Variants in POLR3B observed in about 807,000 individuals in gnomAD.
POLR3B encodes the protein DNA-directed RNA polymerase III subunit RPC2.
A neutral mutation model predicts 147.4 loss-of-function variants in POLR3B; 96 were observed. That is an observed-to-expected ratio of 0.65 (90% CI 0.55 to 0.77). The LOEUF (loss-of-function observed/expected upper bound fraction) is 0.77, where lower values mean the gene tolerates loss of function less well. POLR3B is among the 30% of genes least tolerant of loss of function. POLR3B has a pLI of 0.00. For missense variants in POLR3B, 1,036 were observed against 1,413.5 expected (o/e 0.73, Z 4.28); for synonymous variants, 461 against 485.9 (o/e 0.95, Z 0.67).
chr12:106,401,641 T>G (rs1388214844), intron 10 of POLR3B, among the ~76,000 whole-genome samples: 5 of 152,204 alleles, frequency 3.3e-5, no homozygotes, highest in African/African-American at 1.2e-4. Context: ...ATCCCTGGGA[T>G]GCAAGGCTGG....
intron 23 of POLR3B, among the ~76,000 whole-genome samples, chr12:106,491,393 T>C (rs1020534929): frequency 2.6e-5 from 4 of 152,156 alleles, no homozygotes; most frequent in African/African-American, 9.7e-5. Flanking sequence ...GTGATGAATT[T>C]TTTACAGACG....
At chr12:106,398,098 A>G (rs1441424423) in intron 10 of POLR3B, among the ~76,000 whole-genome samples, 1 of 152,238 alleles carries the variant, frequency 6.6e-6, no homozygotes, top group Non-Finnish European at 1.5e-5. Flanking sequence ...GAAAGGGGTG[A>G]CAGACGGCAC....
intron 23 of POLR3B, among the ~76,000 whole-genome samples, chr12:106,479,863 G>T (rs1284797910): frequency 2.4e-5 from 3 of 122,488 alleles, no homozygotes; most frequent in African/African-American, 6.5e-5. Flanking sequence ...ACCCAGGCTG[G>T]AGTACAGTGG....
chr12:106,437,391 G>A (rs2037591696), intron 17 of POLR3B, among the ~76,000 whole-genome samples: 1 of 152,186 alleles, frequency 6.6e-6, no homozygotes. Flanking sequence ...ATGTGTCAGT[G>A]TAGACACTGT....
At chr12:106,444,710 T>A in intron 19 of POLR3B, 120 bp downstream of exon 19, 1 of 1,048,984 alleles carries the variant, frequency 9.5e-7, no homozygotes, top group Non-Finnish European at 1.4e-6. Flanking sequence ...TGGGAACACC[T>A]GAGGGTTACC....
At chr12:106,370,078 C>G (rs1420303750) in intron 6 of POLR3B, among the ~76,000 whole-genome samples, 2 of 152,100 alleles carry the variant, frequency 1.3e-5, no homozygotes, top group Non-Finnish European at 2.9e-5. Context: ...TTGCCTGGTA[C>G]AAGTTTGGAA....
chr12:106,411,092 C>T, intron 12 of POLR3B, 132 bp downstream of exon 12: 1 of 734,904 alleles, frequency 1.4e-6, no homozygotes, highest in South Asian at 1.7e-5. Context: ...TCATACCTGA[C>T]TTATTATCTC....
At chr12:106,378,425 A>T in intron 8 of POLR3B, 41 bp downstream of exon 8, 1 of 1,201,558 alleles carries the variant, frequency 8.3e-7, no homozygotes, top group Non-Finnish European at 1.2e-6. Context: ...AATATTGGTC[A>T]TTCCATTAGT....
intron 19 of POLR3B, among the ~76,000 whole-genome samples, chr12:106,448,239 A>AAT (rs2037748220): frequency 1.3e-5 from 2 of 152,026 alleles, no homozygotes; most frequent in South Asian, 4.1e-4. Flanking sequence ...GTTAGCGATG[A>AAT]ATATATACAT....
At chr12:106,480,339 G>C (rs1356761041) in intron 23 of POLR3B, among the ~76,000 whole-genome samples, 5 of 152,162 alleles carry the variant, frequency 3.3e-5, no homozygotes, top group Admixed American at 1.3e-4. Context: ...GAATATCATT[G>C]CTGGGTGGTC....
intron 20 of POLR3B, among the ~76,000 whole-genome samples, chr12:106,456,862 G>A (rs2037871677): frequency 6.6e-6 from 1 of 152,128 alleles, no homozygotes; most frequent in Non-Finnish European, 1.5e-5. Context: ...TTCTCTCACC[G>A]TTCTCCAGTA....
At chr12:106,485,186 G>T (rs909603305) in intron 23 of POLR3B, among the ~76,000 whole-genome samples, 3 of 152,146 alleles carry the variant, frequency 2.0e-5, no homozygotes, top group Non-Finnish European at 4.4e-5. Context: ...TCATCCCGTG[G>T]CAGACAGGCA....
rs1030969910 is a variant in POLR3B at position 106,482,790 on chromosome 12, A to T, written c.2714-13265A>T. 3.9e-5 allele frequency among the ~76,000 whole-genome samples: 6 copies of T among 152,326 alleles called. No homozygotes were observed. The East Asian group carries it at 1.2e-3, about 29-fold the overall frequency. ...CATAGCACTTTGCATATAATATGGT[A>T]TCCACTTATGATGTTTGAGGAATCC... On this transcript the variant is annotated intron_variant, in intron 23 of 27. Coordinates refer to ENST00000228347, the MANE Select transcript of POLR3B (RefSeq NM_018082.6).
At chr12:106,469,964 T>G (rs976270679) in intron 23 of POLR3B, among the ~76,000 whole-genome samples, 3 of 152,170 alleles carry the variant, frequency 2.0e-5, no homozygotes, top group African/African-American at 7.2e-5. Flanking sequence ...CTTTGTGGTG[T>G]TCTCTGTATT....
chr12:106,443,060 T>C (rs2037674313), intron 18 of POLR3B, among the ~76,000 whole-genome samples: 1 of 152,216 alleles, frequency 6.6e-6, no homozygotes, highest in South Asian at 2.1e-4. Context: ...TCAAACTTTC[T>C]AATAGCCACA....
At chr12:106,436,905 T>C in intron 16 of POLR3B, 152 bp from the exon 17 acceptor site, 1 of 696,936 alleles carries the variant, frequency 1.4e-6, no homozygotes, top group South Asian at 1.5e-5. Flanking sequence ...TACACCATGC[T>C]CATCCATACA....
intron 23 of POLR3B, among the ~76,000 whole-genome samples, chr12:106,469,531 T>C (rs1232662151): frequency 2.0e-5 from 3 of 152,288 alleles, no homozygotes; most frequent in African/African-American, 7.2e-5. Flanking sequence ...ATTGATGCAG[T>C]TTCTTCATAG....
At chr12:106,505,556 C>T (rs1193029993) in intron 27 of POLR3B, among the ~76,000 whole-genome samples, 1 of 152,130 alleles carries the variant, frequency 6.6e-6, no homozygotes, top group Non-Finnish European at 1.5e-5. Context: ...GATTTATAGG[C>T]ATGAGCTACC....
intron 10 of POLR3B, among the ~76,000 whole-genome samples, chr12:106,395,446 C>T (rs1037673941): frequency 2.6e-5 from 4 of 151,968 alleles, no homozygotes; most frequent in African/African-American, 9.7e-5. Context: ...TTTTAAACAA[C>T]CAGATTGGGA....
Sources: allele counts gnomAD v4.1 joint callset (sites outside exome capture counted in the v4.1 genomes callset), GRCh38; gene constraint gnomAD v4.1.1; transcripts MANE v1.5; gene names NCBI Gene and HGNC (gene_info 2026-07-23, HGNC 2026-07-21).